Variants in SKAP1 observed in about 807,000 individuals in gnomAD.
SKAP1 encodes the protein src kinase-associated phosphoprotein 1.
A neutral mutation model predicts 58.5 loss-of-function variants in SKAP1; 44 were observed. The observed-to-expected ratio is 0.75, with a 90% CI of 0.59 to 0.97. The LOEUF is 0.97. SKAP1 is among the 50% of genes least tolerant of loss of function. SKAP1 has a pLI of 0.00. For synonymous variants in SKAP1, 127 were observed against 149.7 expected, an observed-to-expected ratio of 0.85 and a Z score of 1.11; for missense variants, 390 against 435.2, an observed-to-expected ratio of 0.90 and a Z score of 0.92.
chr17:48,204,965 T>C (rs574075661), intron 4 of SKAP1, among the ~76,000 whole-genome samples: 39 of 56,790 alleles, frequency 6.9e-4, no homozygotes, highest in African/African-American at 2.7e-3. Context: ...CCTCTTTCTT[T>C]TCTTTTCTTT....
At chr17:48,270,853 T>G (rs1328613224) in intron 4 of SKAP1, among the ~76,000 whole-genome samples, 1 of 152,126 alleles carries the variant, frequency 6.6e-6, no homozygotes, top group Non-Finnish European at 1.5e-5. Context: ...ACATAGGTTG[T>G]TTCCAAATTT....
chr17:48,396,699 AG>A lies in SKAP1; in HGVS notation c.132del (p.Gln46SerfsTer54), dbSNP rs2067421871. Reference sequence around the variant, plus strand: ...ACAAACCTGGCTTTGATTTGCTGAAAGCCCCGTAGAATATGGTCTCTGTGAT... The same window carrying A: ...ACAAACCTGGCTTTGATTTGCTGAAACCCCGTAGAATATGGTCTCTGTGAT... Reference protein sequence around the residue: ...ARDHRDHILRGFQQIKARYYW... With the variant: ...ARDHRDHILRXFQQIKARYYW... On this transcript the variant is annotated frameshift_variant, in exon 2 of 13. Coordinates refer to ENST00000336915, the MANE Select transcript of SKAP1 (RefSeq NM_003726.4). LOFTEE classifies it high-confidence loss of function. The A allele has an allele frequency of 1.2e-6, 2 of 1,611,450 alleles. No individual in the cohort carries two copies. The highest frequency in any genetic ancestry group is 2.7e-5 in the African/African-American group (2 of 74,846).
At chr17:48,328,324 T>C (rs1330765343) in intron 4 of SKAP1, among the ~76,000 whole-genome samples, 4 of 152,196 alleles carry the variant, frequency 2.6e-5, no homozygotes, top group African/African-American at 9.7e-5. Context: ...GAAAAAATAT[T>C]TTAATGTGTT....
chr17:48,277,050 A>G (rs566148313), intron 4 of SKAP1, among the ~76,000 whole-genome samples: 4 of 152,364 alleles, frequency 2.6e-5, no homozygotes, highest in African/African-American at 7.2e-5. Flanking sequence ...GCACAATAAT[A>G]TGGTCAATAA....
At chr17:48,431,130 G>T (rs1383483175), upstream of SKAP1, among the ~76,000 whole-genome samples, 3 of 152,124 alleles carry the variant, frequency 2.0e-5, no homozygotes, top group Admixed American at 2.0e-4. Flanking sequence ...GTTGATAAAA[G>T]AAGGGAGCTG....
At chr17:48,336,725 T>C (rs944387204) in intron 4 of SKAP1, among the ~76,000 whole-genome samples, 1 of 152,118 alleles carries the variant, frequency 6.6e-6, no homozygotes, top group Non-Finnish European at 1.5e-5. Context: ...GTAAGAATGA[T>C]GTGAATTCAT....
intron 1 of SKAP1, among the ~76,000 whole-genome samples, chr17:48,428,189 T>TA (rs980866894): frequency 5.0e-4 from 73 of 147,274 alleles, no homozygotes; most frequent in Middle Eastern, 3.4e-3. Flanking sequence ...ATTGCAAACT[T>TA]AAAAAAAAAA....
intron 4 of SKAP1, among the ~76,000 whole-genome samples, chr17:48,281,960 C>G (rs545150415): frequency 9.9e-5 from 15 of 152,032 alleles, no homozygotes; most frequent in Non-Finnish European, 1.8e-4. Flanking sequence ...AGAACAACAG[C>G]TAAGTGTAAC....
the SKAP1 span, among the ~76,000 whole-genome samples, chr17:48,439,161 TCTGCTG>T: frequency 3.3e-5 from 5 of 152,232 alleles, no homozygotes; most frequent in African/African-American, 1.2e-4. Context: ...GCTGTTCCTA[TCTGCTG>T]CTGTACTTTT....
At chr17:48,206,182 A>G (rs2064807436) in intron 4 of SKAP1, among the ~76,000 whole-genome samples, 1 of 152,256 alleles carries the variant, frequency 6.6e-6, no homozygotes, top group Non-Finnish European at 1.5e-5. Flanking sequence ...GGTGACTTAG[A>G]AAACTATGCA....
At chr17:48,206,368 A>G (rs904588335) in intron 4 of SKAP1, among the ~76,000 whole-genome samples, 1 of 151,886 alleles carries the variant, frequency 6.6e-6, no homozygotes, top group Admixed American at 6.6e-5. Flanking sequence ...CCCTCCAGGA[A>G]CCTCCACGTG....
chr17:48,359,259 T>C (rs7215230), intron 3 of SKAP1, among the ~76,000 whole-genome samples: 26,205 of 152,090 alleles, frequency 0.17, 2,311 homozygotes, highest in Non-Finnish European at 0.19. Flanking sequence ...ATATTTACCC[T>C]GTTTCTTTCT....
At chr17:48,171,280 A>G (rs950135735) in intron 9 of SKAP1, among the ~76,000 whole-genome samples, 4 of 150,904 alleles carry the variant, frequency 2.7e-5, no homozygotes, top group Admixed American at 1.3e-4. Context: ...CTAATTTTGT[A>G]TCTTTAGTGA....
At chr17:48,379,506 G>A (rs1432804759) in intron 2 of SKAP1, among the ~76,000 whole-genome samples, 1 of 152,076 alleles carries the variant, frequency 6.6e-6, no homozygotes, top group Non-Finnish European at 1.5e-5. Flanking sequence ...CTATCCTTAT[G>A]TGTACACTTT....
chr17:48,173,535 CATT>C (rs1443392175), intron 9 of SKAP1, among the ~76,000 whole-genome samples: 1 of 152,188 alleles, frequency 6.6e-6, no homozygotes, highest in African/African-American at 2.4e-5. Context: ...GGATTGGAAA[CATT>C]AGAGGAAAAG....
chr17:48,349,231 G>A (rs770736811), intron 3 of SKAP1, among the ~76,000 whole-genome samples: 35 of 152,280 alleles, frequency 2.3e-4, no homozygotes, highest in African/African-American at 7.9e-4. Flanking sequence ...ATAACTGTAC[G>A]TGTTCTCTGG....
intron 4 of SKAP1, among the ~76,000 whole-genome samples, chr17:48,221,824 A>T (rs544033727): frequency 5.3e-5 from 8 of 152,314 alleles, no homozygotes; most frequent in Admixed American, 4.6e-4. Flanking sequence ...TGCCCTTCAC[A>T]GAGAGCACTG....
intron 4 of SKAP1, among the ~76,000 whole-genome samples, chr17:48,291,729 C>T (rs1336078161): frequency 2.6e-5 from 4 of 152,236 alleles, no homozygotes; most frequent in Non-Finnish European, 4.4e-5. Context: ...TGTCTTTGTG[C>T]GCTCTCATTT....
At chr17:48,248,222 A>G (rs2065318800) in intron 4 of SKAP1, among the ~76,000 whole-genome samples, 2 of 152,286 alleles carry the variant, frequency 1.3e-5, no homozygotes, top group Admixed American at 6.5e-5. Flanking sequence ...ACTTTTGCCA[A>G]TTCTTCACCA....
Sources: gnomAD v4.1 joint callset for allele counts (sites outside exome capture counted in the v4.1 genomes callset) on GRCh38, gnomAD v4.1.1 for gene constraint, MANE v1.5 for transcripts, NCBI Gene and HGNC (gene_info 2026-07-23, HGNC 2026-07-21) for gene names.